The following FBXL17 variants were observed in gnomAD, a reference collection of about 807,000 sequenced individuals.
The protein encoded by FBXL17 is F-box and leucine rich repeat protein 17, also known as F-box/LRR-repeat protein 17.
In FBXL17, 22 loss-of-function variants were observed where a neutral mutation model predicts 66.2. The ratio of observed to expected loss-of-function variants is 0.33; its 90% confidence interval spans 0.24 to 0.47. FBXL17 has a LOEUF of 0.47. Among genes scored for constraint, FBXL17 ranks in the 20% least tolerant of loss-of-function variants. The pLI is 1.00. For missense variants in FBXL17, 878 were observed against 948.2 expected (o/e 0.93, Z 0.97); for synonymous variants, 474 against 400.5 (o/e 1.18, Z -2.19).
chr5:107,874,316 A>T (rs1748546982), intron 8 of FBXL17, among the ~76,000 whole-genome samples: 2 of 152,226 alleles, frequency 1.3e-5, no homozygotes, highest in African/African-American at 4.8e-5. Flanking sequence ...TTAATATACC[A>T]GATACAAGAT....
At chr5:107,993,903 T>C (rs1304781535) in intron 7 of FBXL17, among the ~76,000 whole-genome samples, 6 of 152,228 alleles carry the variant, frequency 3.9e-5, no homozygotes, top group Admixed American at 3.9e-4. Flanking sequence ...ATCAAGCTCA[T>C]TTCAGACTAA....
At chr5:108,230,081 G>A (rs115245888) in intron 4 of FBXL17, among the ~76,000 whole-genome samples, 2,769 of 152,244 alleles carry the variant, frequency 0.018, 92 homozygotes, top group African/African-American at 0.062. Flanking sequence ...AGATGTTGGC[G>A]TAGATGTGGT....
intron 6 of FBXL17, among the ~76,000 whole-genome samples, chr5:108,131,996 G>A (rs1410814596): frequency 7.1e-6 from 1 of 141,764 alleles, no homozygotes; most frequent in Admixed American, 7.1e-5. Flanking sequence ...TTTTTTTTTA[G>A]GCGGAGTTTC....
At chr5:108,233,539 A>G (rs575565148) in intron 4 of FBXL17, among the ~76,000 whole-genome samples, 9 of 152,200 alleles carry the variant, frequency 5.9e-5, no homozygotes, top group African/African-American at 1.7e-4. Flanking sequence ...GCACATTTTG[A>G]TCTTTCAGTC....
intron 5 of FBXL17, among the ~76,000 whole-genome samples, chr5:108,193,962 G>T (rs762744579): frequency 6.6e-6 from 1 of 151,276 alleles, no homozygotes; most frequent in African/African-American, 2.4e-5. Flanking sequence ...ACATTTTACG[G>T]CCCGCTTCTC....
intron 6 of FBXL17, among the ~76,000 whole-genome samples, chr5:108,113,671 A>C (rs748369562): frequency 6.6e-6 from 1 of 151,836 alleles, no homozygotes; most frequent in Non-Finnish European, 1.5e-5. Flanking sequence ...TGAACTAAAC[A>C]CTCCTCACAT....
chr5:108,140,966 T>C (rs917065008), intron 6 of FBXL17, among the ~76,000 whole-genome samples: 1 of 152,190 alleles, frequency 6.6e-6, no homozygotes, highest in Non-Finnish European at 1.5e-5. Flanking sequence ...AACACCTGAA[T>C]TGTCTCCCTC....
chr5:108,177,911 G>GTATATATATATATATATATATA (rs70996985), intron 6 of FBXL17, among the ~76,000 whole-genome samples: 4 of 115,260 alleles, frequency 3.5e-5, no homozygotes, highest in East Asian at 6.0e-4. Context: ...AAAAAAAAAT[G>GTATATATATATATATATATATA]TATATATATA....
intron 6 of FBXL17, among the ~76,000 whole-genome samples, chr5:108,051,321 T>C (rs1252846622): frequency 1.3e-5 from 2 of 152,192 alleles, no homozygotes; most frequent in Non-Finnish European, 2.9e-5. Flanking sequence ...CTGATGAACA[T>C]TGATACAAAA....
rs201945319 is a variant in FBXL17 at position 108,093,280 on chromosome 5, T to TAA, written c.1746-72281_1746-72280dup. ...TTCCCACTAAAAATTTTAATCTACT[T>TAA]AAAAAAAAAAAAAGAGTAGTTTGTT... is the stretch of plus-strand genomic sequence containing the variant. On this transcript the variant is annotated intron_variant, in intron 6 of 8. Coordinates refer to ENST00000542267, the MANE Select transcript of FBXL17 (RefSeq NM_001163315.3). Among the ~76,000 whole-genome samples the TAA allele has an allele frequency of 1.1e-4, 16 of 143,254 alleles. No homozygotes were observed. The East Asian group carries it at 1.4e-3, about 12-fold the overall frequency. The allele number at this position is 143,254 out of a possible 152,430, so 94.0% of individuals were successfully genotyped here.
At chr5:108,262,071 TTTA>T (rs201749152) in intron 4 of FBXL17, among the ~76,000 whole-genome samples, 10 of 126,060 alleles carry the variant, frequency 7.9e-5, no homozygotes, top group Non-Finnish European at 1.6e-4. Context: ...TATTTATTTA[TTTA>T]TTTATTTATT....
chr5:108,365,284 T>C (rs964305060), intron 2 of FBXL17, among the ~76,000 whole-genome samples: 1 of 152,116 alleles, frequency 6.6e-6, no homozygotes, highest in Non-Finnish European at 1.5e-5. Flanking sequence ...TTAGACCATA[T>C]CTGAGTTCAT....
At chr5:108,374,311 C>G (rs1175472195) in intron 1 of FBXL17, among the ~76,000 whole-genome samples, 1 of 152,196 alleles carries the variant, frequency 6.6e-6, no homozygotes, top group African/African-American at 2.4e-5. Flanking sequence ...AGTCAAGTCT[C>G]AACAAATTTG....
At chr5:108,120,543 C>T (rs1046867160) in intron 6 of FBXL17, among the ~76,000 whole-genome samples, 11 of 152,078 alleles carry the variant, frequency 7.2e-5, no homozygotes, top group Non-Finnish European at 1.5e-4. Flanking sequence ...CTAAAAGTTT[C>T]ACTGGGGCTG....
chr5:108,282,546 C>CACA (rs1757741739), intron 4 of FBXL17, among the ~76,000 whole-genome samples: 1 of 151,468 alleles, frequency 6.6e-6, no homozygotes, highest in Non-Finnish European at 1.5e-5. Context: ...ACGACAAAAC[C>CACA]ACAGCTAACA....
chr5:108,269,949 A>C (rs1452698030), intron 4 of FBXL17, among the ~76,000 whole-genome samples: 20 of 152,108 alleles, frequency 1.3e-4, no homozygotes, highest in Admixed American at 1.3e-3. Flanking sequence ...AAGGTACAGG[A>C]ATGTGGCTAT....
At chr5:107,923,824 G>A (rs1477498273) in intron 7 of FBXL17, among the ~76,000 whole-genome samples, 1 of 152,040 alleles carries the variant, frequency 6.6e-6, no homozygotes, top group Non-Finnish European at 1.5e-5. Context: ...CCTTGACACT[G>A]GCATATTACG....
intron 6 of FBXL17, among the ~76,000 whole-genome samples, chr5:108,167,414 G>C (rs1752452946): frequency 6.7e-6 from 1 of 148,776 alleles, no homozygotes; most frequent in East Asian, 2.0e-4. Flanking sequence ...TCACTAAGGT[G>C]GGTTCCCATT....
intron 3 of FBXL17, among the ~76,000 whole-genome samples, chr5:108,350,421 G>T (rs763365533): frequency 6.6e-6 from 1 of 152,168 alleles, no homozygotes; most frequent in Non-Finnish European, 1.5e-5. Flanking sequence ...TTTATACAGT[G>T]AAAACGGAGG....
Sources: gnomAD v4.1 joint callset for allele counts (sites outside exome capture counted in the v4.1 genomes callset) on GRCh38, gnomAD v4.1.1 for gene constraint, MANE v1.5 for transcripts, NCBI Gene and HGNC (gene_info 2026-07-23, HGNC 2026-07-21) for gene names.